The following COL4A1 variants were observed in gnomAD, a reference collection of about 807,000 sequenced individuals.
COL4A1 encodes collagen alpha-1(IV) chain.
COL4A1 carries 40 observed loss-of-function variants against 216.6 expected under a neutral mutation model. That is an observed-to-expected ratio of 0.18 (90% CI 0.14 to 0.24). The LOEUF is 0.24. Ranked by LOEUF, COL4A1 falls within the 10% of genes least tolerant of loss-of-function variation. The pLI is 1.00. For missense variants in COL4A1, 1,628 were observed against 2,196.8 expected, an observed-to-expected ratio of 0.74 and a Z score of 5.18; for synonymous variants, 839 against 810.7, an observed-to-expected ratio of 1.03 and a Z score of -0.59.
chr13:110,209,859 A>C (rs776640245), intron 10 of COL4A1, 121 bp downstream of exon 10: 1 of 1,215,780 alleles, frequency 8.2e-7, no homozygotes, highest in South Asian at 1.2e-5. Context: ...TGATTCCGCC[A>C]TGTCCAAATT....
chr13:110,253,576 A>G lies in COL4A1; in HGVS notation c.85-10842T>C, dbSNP rs192275967. On this transcript the variant is annotated intron_variant, in intron 1 of 51. Coordinates refer to ENST00000375820, the MANE Select transcript of COL4A1 (RefSeq NM_001845.6). ...TACATATAATTATACGTATGTATGT[A>G]TTACATATGCATATAATTATACGTA... 7.6e-3 allele frequency among the ~76,000 whole-genome samples: 1,093 copies of G among 143,430 alleles called. 9 individuals are homozygous for G. Among genetic ancestry groups the G allele is most frequent in the Non-Finnish European group, 0.012 (776 of 66,444 alleles). 94.1% of individuals were successfully genotyped at this position (143,430 alleles called of 152,430 possible).
intron 50 of COL4A1, 77 bp downstream of exon 50, chr13:110,155,206 G>C (rs2138420735): frequency 2.0e-6 from 2 of 1,017,208 alleles, no homozygotes; most frequent in East Asian, 2.4e-5. Flanking sequence ...CCAAGGTGTG[G>C]AGGCACCAGA....
chr13:110,188,065 A>G (rs2391817), intron 24 of COL4A1, among the ~76,000 whole-genome samples: 2 of 151,974 alleles, frequency 1.3e-5, no homozygotes, highest in Non-Finnish European at 2.9e-5. Flanking sequence ...GAAAGTTAAA[A>G]CTGCAAAGAA....
At chr13:110,298,632 C>CG (rs1884369239) in intron 1 of COL4A1, 2 of 152,334 alleles carry the variant, frequency 1.3e-5, no homozygotes, top group South Asian at 4.1e-4. Context: ...CTCTAGAAAC[C>CG]GGATTTGGCG....
chr13:110,152,162 A>C (rs751343282), intron 51 of COL4A1, among the ~76,000 whole-genome samples, 172 bp downstream of exon 51: 33 of 152,176 alleles, frequency 2.2e-4, no homozygotes, highest in Non-Finnish European at 4.1e-4. Context: ...CTGTGACTGA[A>C]GGTCTGCCTT....
At chr13:110,209,807 TG>T in intron 10 of COL4A1, 172 bp downstream of exon 10, 1 of 823,140 alleles carries the variant, frequency 1.2e-6, no homozygotes, top group Non-Finnish European at 2.1e-6. Context: ...TCTGGGTATA[TG>T]GGTACCGGGA....
chr13:110,240,960 C>A (rs531143124), intron 2 of COL4A1, among the ~76,000 whole-genome samples: 20 of 152,206 alleles, frequency 1.3e-4, no homozygotes, highest in Non-Finnish European at 2.8e-4. Flanking sequence ...ACCTCCGCCT[C>A]CTGGGTTCAA....
At chr13:110,219,924 ATGTATG>A (rs1880380340) in intron 2 of COL4A1, among the ~76,000 whole-genome samples, 20 of 112,690 alleles carry the variant, frequency 1.8e-4, no homozygotes, top group African/African-American at 6.3e-4. Context: ...GTGTATATAT[ATGTATG>A]TATATGTGTG....
chr13:110,245,339 T>A (rs1881751664), intron 1 of COL4A1, among the ~76,000 whole-genome samples: 1 of 152,162 alleles, frequency 6.6e-6, no homozygotes, highest in Non-Finnish European at 1.5e-5. Context: ...TGGAAACACA[T>A]CTCTGTTCTT....
At chr13:110,287,843 C>T (rs1883902544) in intron 1 of COL4A1, among the ~76,000 whole-genome samples, 1 of 152,226 alleles carries the variant, frequency 6.6e-6, no homozygotes, top group Non-Finnish European at 1.5e-5. Context: ...GAAGCACAAA[C>T]TATTTTCAGA....
At chr13:110,202,692 C>T (rs564582083) in intron 18 of COL4A1, among the ~76,000 whole-genome samples, 1 of 152,170 alleles carries the variant, frequency 6.6e-6, no homozygotes, top group Non-Finnish European at 1.5e-5. Flanking sequence ...AATTAAAGCA[C>T]AACTCTCTGA....
intron 4 of COL4A1, among the ~76,000 whole-genome samples, chr13:110,213,105 G>A (rs1594587212): frequency 2.6e-5 from 4 of 152,166 alleles, no homozygotes; most frequent in South Asian, 2.1e-4. Flanking sequence ...AATGGACTTC[G>A]GGACTCAGGT....
At chr13:110,181,253 T>TG in intron 29 of COL4A1, 39 bp downstream of exon 29, 1 of 1,587,828 alleles carries the variant, frequency 6.3e-7, no homozygotes, top group Non-Finnish European at 8.6e-7. Flanking sequence ...ATAACAAGGA[T>TG]GGGGGAGAAG....
rs1367147771 is a variant in COL4A1 at position 110,195,122 on chromosome 13, A to G, written c.1286-4T>C. On this transcript the variant is annotated splice_polypyrimidine_tract_variant and splice_region_variant and intron_variant, in intron 21 of 51. Coordinates refer to ENST00000375820, the MANE Select transcript of COL4A1 (RefSeq NM_001845.6). ...GGCTGACATTCCACAATTCCATCTGAAATTGAGTTGTCAGAGTTATAGGAT... is the reference window on the plus strand; with the variant it reads ...GGCTGACATTCCACAATTCCATCTGGAATTGAGTTGTCAGAGTTATAGGAT... 1 of 1,613,428 alleles carries G rather than the reference A, an allele frequency of 6.2e-7. No individual in the cohort carries two copies. The highest frequency in any genetic ancestry group is 1.3e-5 in the African/African-American group (1 of 75,044).
At position 110,167,238 on chromosome 13, in the gene COL4A1, C is replaced by G. The variant is rs370539477; in HGVS notation, c.3877-8G>C. 6.2e-7 allele frequency: 1 copy of G among 1,609,528 alleles called. No homozygotes were observed. On this transcript the variant is annotated splice_region_variant and splice_polypyrimidine_tract_variant and intron_variant, in intron 43 of 51. Coordinates refer to ENST00000375820, the MANE Select transcript of COL4A1 (RefSeq NM_001845.6). ...TGGAGAGCCACCAATACCCTAGACACGCAAAGAGGAGGTTGGGAATTGCTC... is the reference window on the plus strand; with the variant it reads ...TGGAGAGCCACCAATACCCTAGACAGGCAAAGAGGAGGTTGGGAATTGCTC...
At chr13:110,302,042 A>C (rs565905532) in intron 1 of COL4A1, among the ~76,000 whole-genome samples, 63 of 152,316 alleles carry the variant, frequency 4.1e-4, no homozygotes, top group African/African-American at 1.5e-3. Context: ...ATGAGGGTTC[A>C]GTGGTGATCC....
intron 46 of COL4A1, 39 bp downstream of exon 46, chr13:110,164,823 G>A (rs976268750): frequency 6.2e-7 from 1 of 1,609,984 alleles, no homozygotes; most frequent in Admixed American, 1.7e-5. Context: ...TGCCCCTCTG[G>A]GCTCCCCATA....
rs1566451325 is a variant in COL4A1 at position 110,295,099 on chromosome 13, C to A, written c.84+11845G>T. On this transcript the variant is annotated intron_variant, in intron 1 of 51. Transcript: ENST00000375820. ...CATTTTAATGTAAAAATGTACAAAT[C>A]AGACTCATTTCCTTAAGACATGTAC... Among the ~76,000 whole-genome samples, 3 of 152,240 alleles carry A rather than the reference C, an allele frequency of 2.0e-5. No individual in the cohort carries two copies. In the East Asian group the frequency reaches 5.8e-4, roughly 29 times the overall value.
rs1264436516 is a variant in COL4A1 at position 110,208,905 on chromosome 13, T to G, written c.652-15A>C. The G allele has an allele frequency of 6.2e-7, 1 of 1,613,686 alleles. No individual in the cohort carries two copies. The highest frequency in any genetic ancestry group is 1.3e-5 in the African/African-American group (1 of 74,904). ...CCCATTTGTCCCTGTGGATTAAAAA[T>G]TAGGCTCTCATTATTAGATTTGTCT... On this transcript the variant is annotated splice_polypyrimidine_tract_variant and intron_variant, in intron 11 of 51. Coordinates refer to ENST00000375820, the MANE Select transcript of COL4A1 (RefSeq NM_001845.6).
Sources: gnomAD v4.1 joint callset for allele counts (sites outside exome capture counted in the v4.1 genomes callset) on GRCh38, gnomAD v4.1.1 for gene constraint, MANE v1.5 for transcripts, NCBI Gene and HGNC (gene_info 2026-07-23, HGNC 2026-07-21) for gene names.